The following U2AF2 variants were observed in gnomAD, a reference collection of about 807,000 sequenced individuals.
The protein encoded by U2AF2 is U2 small nuclear RNA auxiliary factor 2, also known as splicing factor U2AF 65 kDa subunit.
U2AF2 carries 6 observed loss-of-function variants against 52.6 expected under a neutral mutation model. That is an observed-to-expected ratio of 0.11 (90% CI 0.06 to 0.23). The LOEUF (loss-of-function observed/expected upper bound fraction) is 0.23. U2AF2 is among the 10% of genes least tolerant of loss of function. The pLI is 1.00. For synonymous variants in U2AF2, 284 were observed against 258.2 expected (o/e 1.10, Z -0.96); for missense variants, 222 against 677.1 (o/e 0.33, Z 7.46).
At position 55,660,496 on chromosome 19, in the gene U2AF2, T is replaced by TCCCCCCCCCCC; in HGVS notation, c.231-16_231-15insCCCCCCCCCCC. The TCCCCCCCCCCC allele has an allele frequency of 1.1e-6, 1 of 894,566 alleles. No individual in the cohort carries two copies. The highest frequency in any genetic ancestry group is 1.4e-5 in the South Asian group (1 of 70,786). The allele number at this position is 894,566 out of a possible 1,614,324, so 55.4% of individuals were successfully genotyped here. ...AGACTGAGGTTGCCCTGCCCCGCTC[T>TCCCCCCCCCCC]CCCCTCCCACCTCCCCCAGTCGTTC... On this transcript the variant is annotated intron_variant, in intron 3 of 11. Coordinates refer to ENST00000308924, the MANE Select transcript of U2AF2 (RefSeq NM_007279.3).
At chr19:55,667,004 C>G (rs1055212600) in intron 7 of U2AF2, among the ~76,000 whole-genome samples, 2 of 152,200 alleles carry the variant, frequency 1.3e-5, no homozygotes, top group African/African-American at 4.8e-5. Flanking sequence ...TACAGGATGC[C>G]TGGCCCATGG....
At chr19:55,655,780 C>T (rs1332397934) in intron 1 of U2AF2, among the ~76,000 whole-genome samples, 4 of 152,206 alleles carry the variant, frequency 2.6e-5, no homozygotes, top group Non-Finnish European at 4.4e-5. Context: ...GGTAGTGGGG[C>T]GCCTCATATT....
intron 7 of U2AF2, among the ~76,000 whole-genome samples, chr19:55,667,555 G>A (rs999682358): frequency 6.6e-6 from 1 of 152,172 alleles, no homozygotes; most frequent in African/African-American, 2.4e-5. Flanking sequence ...AGTAAATTCA[G>A]CTGATAAGCC....
At chr19:55,663,311 C>T (rs1384125297) in intron 6 of U2AF2, among the ~76,000 whole-genome samples, 1 of 152,204 alleles carries the variant, frequency 6.6e-6, no homozygotes, top group Non-Finnish European at 1.5e-5. Flanking sequence ...GTTCAACTAA[C>T]CTTTCCCGTA....
intron 7 of U2AF2, 118 bp downstream of exon 7, chr19:55,663,862 G>A (rs1282462441): frequency 8.2e-6 from 12 of 1,468,508 alleles, no homozygotes; most frequent in Non-Finnish European, 3.7e-6. Flanking sequence ...TGGAAGATAG[G>A]TGCCTTTTCC....
intron 4 of U2AF2, 132 bp from the exon 5 acceptor site, chr19:55,660,906 G>A (rs1255161479): frequency 7.0e-7 from 1 of 1,419,988 alleles, no homozygotes; most frequent in Non-Finnish European, 9.4e-7. Flanking sequence ...TGGAAAGAGG[G>A]TTCTGGAAGG....
Position 55,674,139 on chromosome 19 carries a change from C to T in U2AF2, c.*71C>T, listed in dbSNP as rs1473834777. On this transcript the variant is annotated 3_prime_UTR_variant, in exon 12 of 12. Transcript: ENST00000308924. ...CCCACTCCCGCCCCCCCCTTATCCC[C>T]CTCTGAAGACGATGGGCAGAGGAGT... The T allele has an allele frequency of 2.1e-5, 31 of 1,463,748 alleles. No individual in the cohort carries two copies. The highest frequency in any genetic ancestry group is 5.1e-4 in the Middle Eastern group (2 of 3,900). The allele number at this position is 1,463,748 out of a possible 1,614,324, so 90.7% of individuals were successfully genotyped here. A position where few individuals can be genotyped will look rare whatever the true frequency, so the allele number is the denominator to read the frequency against.
chr19:55,674,283 A>AGCCCACACAGACAACACGC lies in U2AF2; in HGVS notation c.*216_*234dup, dbSNP rs1031467674. 42 of 533,842 alleles carry AGCCCACACAGACAACACGC rather than the reference A, an allele frequency of 7.9e-5. No homozygotes were observed. The highest frequency in any genetic ancestry group is 1.1e-4 in the Non-Finnish European group (34 of 300,296). 33.1% of individuals were successfully genotyped at this position (533,842 alleles called of 1,614,324 possible). ...GAGGGGACTGGGGAAGTGCGCACACAGCCCACACAGACAACACGCACCCAC... is the reference window on the plus strand; with the variant it reads ...GAGGGGACTGGGGAAGTGCGCACACAGCCCACACAGACAACACGCGCCCACACAGACAACACGCACCCAC... On this transcript the variant is annotated 3_prime_UTR_variant, in exon 12 of 12. Transcript: ENST00000308924.
At position 55,673,945 on chromosome 19, in the gene U2AF2, G is replaced by A; in HGVS notation, c.1305G>A (p.Glu435=). Residue 435 remains glutamate (E), a synonymous_variant, in exon 12 of 12, where the codon GAG becomes GAA. Coordinates refer to ENST00000308924, the MANE Select transcript of U2AF2 (RefSeq NM_007279.3). ...EVPGCGKIFV[E]FTSVFDCQKA... is the part of the protein sequence containing the mutation. ...TCCTTTCCCCACAGATCTTTGTGGA[G>A]TTCACCTCTGTGTTTGACTGCCAGA... The A allele has an allele frequency of 6.2e-7, 1 of 1,613,144 alleles. No individual in the cohort carries two copies. The highest frequency in any genetic ancestry group is 1.3e-5 in the African/African-American group (1 of 75,030).
At chr19:55,663,060 T>C (rs1984320194) in intron 6 of U2AF2, among the ~76,000 whole-genome samples, 1 of 152,146 alleles carries the variant, frequency 6.6e-6, no homozygotes, top group Non-Finnish European at 1.5e-5. Context: ...GAAAAGGCCT[T>C]GGTTTTTGAT....
At chr19:55,661,388 C>T (rs369218902) in intron 5 of U2AF2, 199 bp downstream of exon 5, 7 of 525,666 alleles carry the variant, frequency 1.3e-5, no homozygotes, top group African/African-American at 9.8e-5. Context: ...CTCTTCCCCT[C>T]TCCCGTCTCC....
intron 7 of U2AF2, among the ~76,000 whole-genome samples, chr19:55,664,689 G>T (rs1402173896): frequency 6.6e-6 from 1 of 152,160 alleles, no homozygotes; most frequent in Non-Finnish European, 1.5e-5. Context: ...CTTGGGCTAG[G>T]TCCCTCACTG....
intron 2 of U2AF2, among the ~76,000 whole-genome samples, 183 bp downstream of exon 2, chr19:55,659,528 C>T (rs748173527): frequency 7.9e-5 from 12 of 151,082 alleles, no homozygotes; most frequent in Non-Finnish European, 1.3e-4. Context: ...TTTTTTCCCC[C>T]GTTTCTGGGG....
intron 11 of U2AF2, 53 bp from the exon 12 acceptor site, chr19:55,673,881 C>G (rs1985098571): frequency 6.4e-7 from 1 of 1,567,944 alleles, no homozygotes; most frequent in Non-Finnish European, 8.7e-7. Context: ...TGGACGCTGA[C>G]TGGCTGTTGG....
chr19:55,657,785 A>G (rs1171180194), intron 1 of U2AF2, among the ~76,000 whole-genome samples: 1 of 152,134 alleles, frequency 6.6e-6, no homozygotes, highest in African/African-American at 2.4e-5. Context: ...TGCTTAACTC[A>G]CTGATGTCAG....
intron 4 of U2AF2, 69 bp downstream of exon 4, chr19:55,660,688 C>A: frequency 6.9e-7 from 1 of 1,441,366 alleles, no homozygotes; most frequent in Non-Finnish European, 9.6e-7. Flanking sequence ...TCAGTCATTC[C>A]CCTGCGTGTG....
At chr19:55,669,375 C>T (rs996646742) in intron 10 of U2AF2, 69 bp from the exon 11 acceptor site, 65 of 1,552,920 alleles carry the variant, frequency 4.2e-5, no homozygotes, top group Non-Finnish European at 9.6e-6. Flanking sequence ...ATGTGAGGGG[C>T]CTAGGCTTGA....
intron 1 of U2AF2, among the ~76,000 whole-genome samples, chr19:55,655,769 T>G (rs981298344): frequency 6.6e-6 from 1 of 152,238 alleles, no homozygotes; most frequent in Non-Finnish European, 1.5e-5. Flanking sequence ...CCCCGTCTGT[T>G]GGTAGTGGGG....
At position 55,669,700 on chromosome 19, in the gene U2AF2, G is replaced by T. The variant is rs1432198780; in HGVS notation, c.1293+8G>T. On this transcript the variant is annotated splice_region_variant and intron_variant, in intron 11 of 11. Transcript: ENST00000308924. Reference sequence around the variant, plus strand: ...GTGCCCGGCTGCGGAAAGGTCAGGAGGCCTCGGGCTCAGTGCTCTCTCACC... The same window carrying T: ...GTGCCCGGCTGCGGAAAGGTCAGGATGCCTCGGGCTCAGTGCTCTCTCACC... The T allele has an allele frequency of 1.9e-6, 3 of 1,592,624 alleles. No homozygotes were observed. In the Admixed American group the frequency reaches 5.1e-5, roughly 27 times the overall value.
Sources: gnomAD v4.1 joint callset for allele counts (sites outside exome capture counted in the v4.1 genomes callset) on GRCh38, gnomAD v4.1.1 for gene constraint, MANE v1.5 for transcripts, NCBI Gene and HGNC (gene_info 2026-07-23, HGNC 2026-07-21) for gene names.